The following NRXN1 variants were observed in gnomAD, a reference collection of about 807,000 sequenced individuals.
NRXN1 encodes neurexin-1.
NRXN1 carries 39 observed loss-of-function variants against 150.9 expected under a neutral mutation model. That is an observed-to-expected ratio of 0.26 (90% CI 0.20 to 0.34). The LOEUF is 0.34. NRXN1 is among the 10% of genes least tolerant of loss of function. The pLI, the probability that NRXN1 is intolerant of heterozygous loss-of-function variation, is 1.00. For missense variants in NRXN1, 1,815 were observed against 1,949.9 expected, an observed-to-expected ratio of 0.93 and a Z score of 1.30; for synonymous variants, 924 against 757.0, an observed-to-expected ratio of 1.22 and a Z score of -3.62.
chr2:50,678,273 T>C, intron 5 of NRXN1, among the ~76,000 whole-genome samples: 1 of 152,290 alleles, frequency 6.6e-6, no homozygotes, highest in South Asian at 2.1e-4. Context: ...ATAACACGAA[T>C]ACACAAGGCT....
intron 5 of NRXN1, chr2:50,632,363 A>T (rs748930180): frequency 1.3e-5 from 2 of 152,026 alleles, no homozygotes; most frequent in Non-Finnish European, 2.9e-5. Context: ...AGCATCTTGG[A>T]AGGCAAGAGC....
At chr2:50,556,345 T>C (rs1198838743) in intron 8 of NRXN1, among the ~76,000 whole-genome samples, 1 of 152,174 alleles carries the variant, frequency 6.6e-6, no homozygotes, top group African/African-American at 2.4e-5. Context: ...GAACACCTTA[T>C]AATTATTCAT....
chr2:50,874,356 T>C (rs563149838), intron 5 of NRXN1, among the ~76,000 whole-genome samples: 1 of 152,000 alleles, frequency 6.6e-6, no homozygotes, highest in Admixed American at 6.6e-5. Context: ...ACACTTTAGA[T>C]TTAATCCTGA....
At chr2:50,254,409 G>C (rs1455137042) in intron 17 of NRXN1, among the ~76,000 whole-genome samples, 2 of 150,364 alleles carry the variant, frequency 1.3e-5, no homozygotes, top group African/African-American at 4.9e-5. Context: ...TGTGTCTTTA[G>C]CTCCTTCAGT....
intron 21 of NRXN1, among the ~76,000 whole-genome samples, chr2:50,035,319 C>T (rs533599324): frequency 6.6e-6 from 1 of 152,162 alleles, no homozygotes; most frequent in African/African-American, 2.4e-5. Context: ...CTAGATTTTT[C>T]CTTCCCTTAC....
intron 17 of NRXN1, among the ~76,000 whole-genome samples, chr2:50,398,274 T>A (rs1216854934): frequency 6.6e-6 from 1 of 152,160 alleles, no homozygotes; most frequent in Non-Finnish European, 1.5e-5. Context: ...ATTTTAAAAT[T>A]TCTCCCTCTA....
At chr2:50,690,778 A>T (rs1250024899) in intron 5 of NRXN1, among the ~76,000 whole-genome samples, 1 of 152,204 alleles carries the variant, frequency 6.6e-6, no homozygotes, top group African/African-American at 2.4e-5. Flanking sequence ...CAAGCCAAAG[A>T]AGATAAAATA....
chr2:50,832,897 G>C (rs1574640995), intron 5 of NRXN1, among the ~76,000 whole-genome samples: 1 of 152,126 alleles, frequency 6.6e-6, no homozygotes, highest in South Asian at 2.1e-4. Context: ...AGACTGAGAG[G>C]AAAATATTTT....
At chr2:50,714,099 G>A (rs1376952052) in intron 5 of NRXN1, among the ~76,000 whole-genome samples, 1 of 152,136 alleles carries the variant, frequency 6.6e-6, no homozygotes, top group Non-Finnish European at 1.5e-5. Flanking sequence ...AAGGTAGCAA[G>A]ATACTTGATA....
At chr2:50,197,405 T>G (rs557053549) in intron 18 of NRXN1, among the ~76,000 whole-genome samples, 1 of 152,120 alleles carries the variant, frequency 6.6e-6, no homozygotes, top group South Asian at 2.1e-4. Context: ...ATGAAGACTT[T>G]GGATTAGTCT....
chr2:50,883,936 G>A (rs937754463), intron 5 of NRXN1, among the ~76,000 whole-genome samples: 1 of 151,756 alleles, frequency 6.6e-6, no homozygotes, highest in African/African-American at 2.4e-5. Flanking sequence ...CAGCCAGGAA[G>A]GGAGCACCAG....
intron 5 of NRXN1, among the ~76,000 whole-genome samples, chr2:50,889,942 T>G (rs1426817378): frequency 6.6e-6 from 1 of 151,766 alleles, no homozygotes; most frequent in Non-Finnish European, 1.5e-5. Flanking sequence ...TGCTTATTTT[T>G]CCTAAACATA....
chr2:50,410,436 C>T (rs535700602), intron 17 of NRXN1, among the ~76,000 whole-genome samples: 2 of 152,296 alleles, frequency 1.3e-5, no homozygotes, highest in South Asian at 4.1e-4. Flanking sequence ...TGCAGGATGT[C>T]AACTGCACAT....
intron 5 of NRXN1, among the ~76,000 whole-genome samples, chr2:50,675,010 T>C (rs1689356389): frequency 6.6e-6 from 1 of 151,664 alleles, no homozygotes; most frequent in African/African-American, 2.4e-5. Flanking sequence ...CTTGGTGTTG[T>C]TCTCTGTGGC....
intron 21 of NRXN1, among the ~76,000 whole-genome samples, chr2:50,002,868 A>T (rs1334275472): frequency 6.6e-6 from 1 of 152,148 alleles, no homozygotes; most frequent in Non-Finnish European, 1.5e-5. Flanking sequence ...ATGAACAATA[A>T]ATGAAAATAA....
chr2:50,090,364 T>C (rs1475654615), intron 19 of NRXN1, among the ~76,000 whole-genome samples: 2 of 152,126 alleles, frequency 1.3e-5, no homozygotes, highest in East Asian at 3.8e-4. Flanking sequence ...ATTATTTTTA[T>C]TGGGTAAAAT....
chr2:50,646,446 A>G (rs1684824198), intron 5 of NRXN1, among the ~76,000 whole-genome samples: 1 of 152,058 alleles, frequency 6.6e-6, no homozygotes, highest in Non-Finnish European at 1.5e-5. Flanking sequence ...GACATTTTGT[A>G]TTCAGAAAGT....
intron 17 of NRXN1, among the ~76,000 whole-genome samples, chr2:50,422,565 T>C (rs2084083275): frequency 6.6e-6 from 1 of 152,174 alleles, no homozygotes; most frequent in Non-Finnish European, 1.5e-5. Context: ...TGACTGACAG[T>C]ATTTTATTTC....
At chr2:50,189,019 A>T (rs1479880218) in intron 18 of NRXN1, among the ~76,000 whole-genome samples, 1 of 152,224 alleles carries the variant, frequency 6.6e-6, no homozygotes, top group African/African-American at 2.4e-5. Context: ...ATTACTGGGT[A>T]TATACCCAAA....
Sources: allele counts gnomAD v4.1 joint callset (sites outside exome capture counted in the v4.1 genomes callset), GRCh38; gene constraint gnomAD v4.1.1; transcripts MANE v1.5; gene names NCBI Gene and HGNC (gene_info 2026-07-23, HGNC 2026-07-21).